Variants in TFAP4 observed in about 807,000 individuals in gnomAD.
TFAP4 encodes the protein activating enhancer-binding protein 4.
In TFAP4, 7 loss-of-function variants were observed where a neutral mutation model predicts 40.4. That is an observed-to-expected ratio of 0.17 (90% CI 0.10 to 0.33). The LOEUF is 0.33. Among genes scored for constraint, TFAP4 ranks in the 10% least tolerant of loss-of-function variants. TFAP4 has a pLI of 1.00. For missense variants in TFAP4, 374 were observed against 451.1 expected (o/e 0.83, Z 1.55); for synonymous variants, 218 against 181.4 (o/e 1.20, Z -1.62).
At chr16:4,262,779 G>A in intron 1 of TFAP4, 78 bp from the exon 2 acceptor site, 4 of 1,502,340 alleles carry the variant, frequency 2.7e-6, no homozygotes, top group Non-Finnish European at 2.7e-6. Flanking sequence ...AGTGGAAACT[G>A]CATCCCTCCC....
At chr16:4,261,446 A>ATT (rs148258464) in intron 4 of TFAP4, among the ~76,000 whole-genome samples, 71 of 144,806 alleles carry the variant, frequency 4.9e-4, no homozygotes, top group Middle Eastern at 7.2e-3. Flanking sequence ...CGCCCGGCTA[A>ATT]TTTTTTTTTT....
intron 1 of TFAP4, chr16:4,265,104 A>T (rs2052981144): frequency 6.6e-6 from 1 of 151,836 alleles, no homozygotes; most frequent in Non-Finnish European, 1.5e-5. Flanking sequence ...TTTGGCGAGA[A>T]TTTTCTCACT....
chr16:4,272,709 G>C lies in TFAP4; in HGVS notation c.38C>G (p.Ser13Cys), dbSNP rs780215391. Residue 13 changes from serine (S) to cysteine (C), a missense_variant, in exon 1 of 7, where the codon TCT becomes TGT. Around this residue, in one of 6 missense-constraint regions of TFAP4, gnomAD observed 51 missense variants for 59.3 expected, o/e 0.86. Coordinates refer to ENST00000204517, the MANE Select transcript of TFAP4 (RefSeq NM_003223.3). Reference sequence around the variant, plus strand: ...CTCTGTTTTCCTGAAATGTTGCAAAGAGGGCACCTTCTGAGTGGGCACCAT... The same window carrying C: ...CTCTGTTTTCCTGAAATGTTGCAAACAGGGCACCTTCTGAGTGGGCACCAT... ...YFMVPTQKVP[S>C]LQHFRKTEKE... is the part of the protein sequence containing the mutation. 11 of 1,613,486 alleles carry C rather than the reference G, an allele frequency of 6.8e-6. No homozygotes were observed. The highest frequency in any genetic ancestry group is 1.1e-5 in the South Asian group (1 of 91,064).
chr16:4,261,223 C>G (rs1164532034), intron 4 of TFAP4, among the ~76,000 whole-genome samples: 1 of 152,126 alleles, frequency 6.6e-6, no homozygotes, highest in East Asian at 1.9e-4. Context: ...CCTCCCACCT[C>G]AGCCCCGCAA....
rs757964861 is a variant in TFAP4, at chr16:4,258,235, G to C, written c.837C>G (p.Ile279Met). 6.3e-7 allele frequency: 1 copy of C among 1,598,806 alleles called. No individual in the cohort carries two copies. The highest frequency in any genetic ancestry group is 2.2e-5 in the East Asian group (1 of 44,526). Residue 279 changes from isoleucine to methionine, a missense_variant, in exon 7 of 7, where the codon ATC (isoleucine) becomes ATG (methionine). Physicochemically the swap from Ile to Met is conservative, Grantham distance 10. Coordinates refer to ENST00000204517, the MANE Select transcript of TFAP4 (RefSeq NM_003223.3). ...LDTIVQAIQH[I>M]EGTQEKQELE... is the part of the protein sequence containing the mutation. ...GCTCCTGCTTTTCCTGGGTGCCCTC[G>C]ATGTGCTGGATTGCCTGGACAGGGA...
At chr16:4,260,665 G>A in intron 4 of TFAP4, 70 bp from the exon 5 acceptor site, 1 of 1,493,508 alleles carries the variant, frequency 6.7e-7, no homozygotes, top group Non-Finnish European at 8.9e-7. Context: ...TCTCACAGCA[G>A]CTCATTCACT....
chr16:4,268,577 A>AT (rs1215568642), intron 1 of TFAP4, among the ~76,000 whole-genome samples: 2 of 151,880 alleles, frequency 1.3e-5, no homozygotes, highest in Non-Finnish European at 2.9e-5. Flanking sequence ...AAGTTTTATT[A>AT]TTTTTTTAAT....
intron 1 of TFAP4, chr16:4,267,272 G>A (rs2053005678): frequency 6.6e-6 from 1 of 152,326 alleles, no homozygotes; most frequent in Non-Finnish European, 1.5e-5. Context: ...GACCTCAAAT[G>A]ATCCATCCGC....
At chr16:4,272,018 C>T (rs1481795002) in intron 1 of TFAP4, among the ~76,000 whole-genome samples, 6 of 151,580 alleles carry the variant, frequency 4.0e-5, no homozygotes, top group African/African-American at 1.2e-4. Flanking sequence ...CGCGGGCGGG[C>T]GAGCGAGCGG....
At chr16:4,271,178 A>G (rs1208376194) in intron 1 of TFAP4, among the ~76,000 whole-genome samples, 1 of 152,238 alleles carries the variant, frequency 6.6e-6, no homozygotes, top group Non-Finnish European at 1.5e-5. Context: ...GGAACTTCAG[A>G]GTAGCCTTAA....
intron 1 of TFAP4, among the ~76,000 whole-genome samples, chr16:4,271,705 G>A (rs1171332656): frequency 6.6e-6 from 1 of 152,156 alleles, no homozygotes; most frequent in Non-Finnish European, 1.5e-5. Context: ...GGGGAGGGGC[G>A]TTGGATGGGA....
At chr16:4,272,612 G>C (rs2053048536) in intron 1 of TFAP4, 46 bp downstream of exon 1, 3 of 1,496,948 alleles carry the variant, frequency 2.0e-6, no homozygotes, top group African/African-American at 2.8e-5. Flanking sequence ...GGGCTGGCCG[G>C]GGGCTGCAGT....
At position 4,260,485 on chromosome 16, in the gene TFAP4, C is replaced by G. The variant is rs771263678; in HGVS notation, c.636G>C (p.Leu212=). ...EQVRLLHQEK[L]EREQQQLRTQ... is the part of the protein sequence containing the mutation. The stretch of plus-strand genomic sequence containing the variant: ...TCCGCAGCTGCTGCTGTTCCCGCTC[C>G]AGCTTCTCCTGGTGCAGCAGCCTCA... Residue 212 remains leucine, a synonymous_variant, in exon 5 of 7, where the codon CTG becomes CTC. Transcript: ENST00000204517. 6.2e-7 allele frequency: 1 copy of G among 1,604,654 alleles called. No individual in the cohort carries two copies. The highest frequency in any genetic ancestry group is 8.5e-7 in the Non-Finnish European group (1 of 1,175,850).
chr16:4,271,450 T>TC (rs1283678795), intron 1 of TFAP4, among the ~76,000 whole-genome samples: 1 of 150,900 alleles, frequency 6.6e-6, no homozygotes, highest in Non-Finnish European at 1.5e-5. Context: ...AACGCCCACC[T>TC]CCCCCACACC....
chr16:4,268,292 T>C (rs903379388), intron 1 of TFAP4, among the ~76,000 whole-genome samples: 2 of 152,178 alleles, frequency 1.3e-5, no homozygotes, highest in Non-Finnish European at 2.9e-5. Context: ...TAGCCGGGTG[T>C]CGTGGGACGT....
At position 4,257,193 on chromosome 16, in the gene TFAP4, CA is replaced by C. The variant is rs1210547449; in HGVS notation, c.*861del. ...CCCAGGAGACTCAGAATCTAAAAAA[CA>C]AAGTACAAACTTTATTTTGTTTCTT... On this transcript the variant is annotated 3_prime_UTR_variant, in exon 7 of 7. Transcript: ENST00000204517. The C allele has an allele frequency of 2.0e-5, 3 of 152,026 alleles. No homozygotes were observed. The highest frequency in any genetic ancestry group is 2.9e-5 in the Non-Finnish European group (2 of 67,950). 9.4% of individuals were successfully genotyped at this position (152,026 alleles called of 1,614,324 possible).
At chr16:4,258,949 G>T (rs1000893653) in intron 6 of TFAP4, among the ~76,000 whole-genome samples, 1 of 151,906 alleles carries the variant, frequency 6.6e-6, no homozygotes, top group Non-Finnish European at 1.5e-5. Flanking sequence ...TTTGCCAGGC[G>T]TGGTGGCACA....
At position 4,260,600 on chromosome 16, in the gene TFAP4, A is replaced by G. The variant is rs747665066; in HGVS notation, c.526-5T>C. 12 of 1,589,656 alleles carry G rather than the reference A, an allele frequency of 7.5e-6. No homozygotes were observed. Among genetic ancestry groups the G allele is most frequent in the Middle Eastern group, 2.0e-4 (1 of 5,128 alleles). Reference sequence around the variant, plus strand: ...GTGGGCCTCCAGCGAGCGCACCTGGAGGCAGGACAACCTGGGCTCAGGGCC... The same window carrying G: ...GTGGGCCTCCAGCGAGCGCACCTGGGGGCAGGACAACCTGGGCTCAGGGCC... On this transcript the variant is annotated splice_polypyrimidine_tract_variant and splice_region_variant and intron_variant, in intron 4 of 6. Transcript: ENST00000204517.
intron 1 of TFAP4, chr16:4,266,607 G>A (rs545733888): frequency 5.0e-4 from 76 of 152,270 alleles, no homozygotes; most frequent in African/African-American, 1.8e-3. Flanking sequence ...ACCAACCAGG[G>A]CTTCTGATGG....
Sources: gnomAD v4.1 joint callset for allele counts (sites outside exome capture counted in the v4.1 genomes callset) on GRCh38, gnomAD v4.1.1 for gene constraint, gnomAD v4.1.1 regional missense constraint, MANE v1.5 for transcripts, NCBI Gene and HGNC (gene_info 2026-07-23, HGNC 2026-07-21) for gene names.